NDUFAF8: variants seen among roughly 807,000 people sequenced by gnomAD.
NDUFAF8 encodes the protein NADH dehydrogenase [ubiquinone] 1 alpha subcomplex assembly factor 8.
In NDUFAF8, 9 loss-of-function variants were observed where a neutral mutation model predicts 9.9. That is an observed-to-expected ratio of 0.91 (90% CI 0.55 to 1.59). The LOEUF (loss-of-function observed/expected upper bound fraction) is 1.59. Ranked by LOEUF, NDUFAF8 falls within the 40% of genes most tolerant of loss-of-function variation. The pLI is 0.00. For synonymous variants in NDUFAF8, 63 were observed against 51.2 expected (o/e 1.23, Z -0.98); for missense variants, 114 against 113.8 (o/e 1.00, Z -0.01).
At chr17:81,239,738 C>G in intron 2 of NDUFAF8, 60 bp downstream of exon 2, 1 of 1,473,614 alleles carries the variant, frequency 6.8e-7, no homozygotes, top group Admixed American at 2.0e-5. Context: ...AGCCAGCGGG[C>G]CCCGGCTTTC....
At chr17:81,239,736 G>C (rs1243172845) in intron 2 of NDUFAF8, 58 bp downstream of exon 2, 4 of 1,486,682 alleles carry the variant, frequency 2.7e-6, no homozygotes, top group African/African-American at 1.4e-5. Flanking sequence ...AGAGCCAGCG[G>C]GCCCCGGCTT....
In NDUFAF8 at chr17:81,240,681, AGG is replaced by A. The variant is rs1555623920; in HGVS notation, c.196-298_196-297del. On this transcript the variant is annotated intron_variant, in intron 2 of 2. Transcript: ENST00000431388. ...GAGACTGCATCTCAAAAAAAAAAAA[AGG>A]GGGGGGGCTCCTGCTTTCCCTCTAT... Among the ~76,000 whole-genome samples, 9 of 139,850 alleles carry A rather than the reference AGG, an allele frequency of 6.4e-5. No homozygotes were observed. The East Asian group carries it at 7.0e-4, about 11-fold the overall frequency. 91.7% of individuals were successfully genotyped at this position (139,850 alleles called of 152,430 possible). A position where few individuals can be genotyped will look rare whatever the true frequency, so the allele number is the denominator to read the frequency against.
rs764409687 is a variant in NDUFAF8, at chr17:81,240,940, A to G, written c.196-47A>G. ...GTGTGGTAGCTTGCTTTTGAGGCGT[A>G]TCTAACTTGGAAGCAAGCCATTCAG... On this transcript the variant is annotated intron_variant, in intron 2 of 2. Coordinates refer to ENST00000431388, the MANE Select transcript of NDUFAF8 (RefSeq NM_001086521.2). 73 of 1,605,252 alleles carry G rather than the reference A, an allele frequency of 4.5e-5. No homozygotes were observed. In the East Asian group the frequency reaches 1.6e-3, roughly 36 times the overall value.
At chr17:81,239,915 T>C (rs189541996) in intron 2 of NDUFAF8, 18 of 586,980 alleles carry the variant, frequency 3.1e-5, no homozygotes, top group South Asian at 2.6e-4. Flanking sequence ...GGATGGGAGA[T>C]GTGTGCAAAA....
Position 81,241,110 on chromosome 17 carries a change from A to T in NDUFAF8, c.*94A>T, listed in dbSNP as rs754744716. On this transcript the variant is annotated 3_prime_UTR_variant, in exon 3 of 3. Transcript: ENST00000431388. ...GGCACATATCGAATGCCTAGGGCAG[A>T]AAGGAAGTGGGAATGGCGAAGATGT... The T allele has an allele frequency of 6.7e-7, 1 of 1,494,268 alleles. No individual in the cohort carries two copies. The highest frequency in any genetic ancestry group is 1.4e-5 in the African/African-American group (1 of 71,006). The allele number at this position is 1,494,268 out of a possible 1,614,324, so 92.6% of individuals were successfully genotyped here. A position where few individuals can be genotyped will look rare whatever the true frequency, so the allele number is the denominator to read the frequency against.
rs533215301 is a variant in NDUFAF8, at chr17:81,240,104, G to C, written c.195+426G>C. 44 of 229,524 alleles carry C rather than the reference G, an allele frequency of 1.9e-4. 1 individual carries two copies. The highest frequency in any genetic ancestry group is 1.3e-3 in the South Asian group (29 of 22,258). The allele number at this position is 229,524 out of a possible 1,614,324, so 14.2% of individuals were successfully genotyped here. On this transcript the variant is annotated intron_variant, in intron 2 of 2. Coordinates refer to ENST00000431388, the MANE Select transcript of NDUFAF8 (RefSeq NM_001086521.2). Reference sequence around the variant, plus strand: ...TGGATTCCTTCAGCACGTGTCCTGCGGGGAACCCCCAGCCACCCTCACAAC... The same window carrying C: ...TGGATTCCTTCAGCACGTGTCCTGCCGGGAACCCCCAGCCACCCTCACAAC...
intron 2 of NDUFAF8, 101 bp downstream of exon 2, chr17:81,239,779 C>A: frequency 8.0e-7 from 1 of 1,249,544 alleles, no homozygotes; most frequent in Non-Finnish European, 1.1e-6. Flanking sequence ...AAGGTTTGAG[C>A]GCCTGCCGCG....
intron 2 of NDUFAF8, among the ~76,000 whole-genome samples, chr17:81,240,732 A>G (rs2062810104): frequency 6.7e-6 from 1 of 149,724 alleles, no homozygotes; most frequent in South Asian, 2.1e-4. Context: ...CAAATGTGGC[A>G]TCTCGTGGGG....
chr17:81,239,420 C>T lies in NDUFAF8; in HGVS notation c.57C>T (p.Pro19=). The change falls in exon 1 of 3, where the codon CCC becomes CCT. Residue 19 remains proline, a synonymous_variant. Transcript: ENST00000431388. ...GRVRSRLRAF[P]ERLAACGAEA... ...TGCGAAGCCGCCTCCGCGCCTTCCC[C>T]GAGCGGCTGGCCGCCTGCGGGGCCG... 2 of 1,362,654 alleles carry T rather than the reference C, an allele frequency of 1.5e-6. No individual in the cohort carries two copies. The highest frequency in any genetic ancestry group is 1.9e-6 in the Non-Finnish European group (2 of 1,057,334). 84.4% of individuals were successfully genotyped at this position (1,362,654 alleles called of 1,614,324 possible).
At chr17:81,240,938 G>A (rs375816631) in intron 2 of NDUFAF8, 49 bp from the exon 3 acceptor site, 10 of 1,601,400 alleles carry the variant, frequency 6.2e-6, no homozygotes, top group East Asian at 4.5e-5. Context: ...CTTTTGAGGC[G>A]TATCTAACTT....
intron 1 of NDUFAF8, 35 bp from the exon 2 acceptor site, chr17:81,239,531 CAG>C (rs1483329275): frequency 2.0e-6 from 3 of 1,485,994 alleles, no homozygotes; most frequent in Non-Finnish European, 1.8e-6. Context: ...GTGACGGGGT[CAG>C]GGGACCCCAC....
rs1372681163 is a variant in NDUFAF8, at chr17:81,239,615, C to T, written c.132C>T (p.Gly44=). ...TGCAGGCCTCCACGGCCCCGGGCGG[C>T]CGCCTGAGTAAGGACTTCTGCGCGC... ...RCVQASTAPG[G]RLSKDFCARE... is the part of the protein sequence containing the mutation. The change falls in exon 2 of 3, where the codon GGC becomes GGT. Residue 44 remains glycine, a synonymous_variant. Coordinates refer to ENST00000431388, the MANE Select transcript of NDUFAF8 (RefSeq NM_001086521.2). 3.9e-6 allele frequency: 6 copies of T among 1,539,370 alleles called. No homozygotes were observed. Among genetic ancestry groups the T allele is most frequent in the Non-Finnish European group, 5.2e-6 (6 of 1,146,368 alleles).
chr17:81,239,881 C>CG (rs1297238581), intron 2 of NDUFAF8: 1 of 632,786 alleles, frequency 1.6e-6, no homozygotes, highest in Non-Finnish European at 2.7e-6. Flanking sequence ...GTTTGTAAAG[C>CG]GGGACTGGCA....
rs1364084851 is a variant in NDUFAF8 at position 81,239,647 on chromosome 17, T to C, written c.164T>C (p.Phe55Ser). The change falls in exon 2 of 3, where the codon TTC becomes TCC. Residue 55 changes from phenylalanine to serine, a missense_variant. Transcript: ENST00000431388. ...RLSKDFCARE[F>S]EALRSCFAAA... ...AGTAAGGACTTCTGCGCGCGGGAGT[T>C]CGAGGCCCTGCGGAGCTGCTTCGCC... 1.3e-6 allele frequency: 2 copies of C among 1,540,134 alleles called. No homozygotes were observed. The highest frequency in any genetic ancestry group is 2.7e-5 in the African/African-American group (2 of 72,990).
chr17:81,239,764 G>A, intron 2 of NDUFAF8, 86 bp downstream of exon 2: 1 of 1,377,678 alleles, frequency 7.3e-7, no homozygotes, highest in East Asian at 2.6e-5. Flanking sequence ...CTTTCCCGTT[G>A]GTTCAAGGTT....
intron 2 of NDUFAF8, among the ~76,000 whole-genome samples, 172 bp from the exon 3 acceptor site, chr17:81,240,815 G>C (rs1370471849): frequency 6.6e-6 from 1 of 152,206 alleles, no homozygotes. Flanking sequence ...AAGTGACCCA[G>C]AGAACCTGCC....
chr17:81,239,822 C>G, intron 2 of NDUFAF8, 144 bp downstream of exon 2: 1 of 928,390 alleles, frequency 1.1e-6, no homozygotes, highest in Non-Finnish European at 1.6e-6. Context: ...AATCACCGAG[C>G]CATCGACGAG....
At position 81,239,445 on chromosome 17, in the gene NDUFAF8, G is replaced by C. The variant is rs934850676; in HGVS notation, c.82G>C (p.Glu28Gln). The change falls in exon 1 of 3, where the codon GAG becomes CAG. Residue 28 changes from glutamate to glutamine, a missense_variant and splice_region_variant. Physicochemically the swap from Glu to Gln is conservative, Grantham distance 29 (BLOSUM62 2). Transcript: ENST00000431388. ...FPERLAACGA[E>Q]AAAYGRCVQA... ...CGAGCGGCTGGCCGCCTGCGGGGCC[G>C]AGGTGAGGAGCCGCGGGCGGGCCAG... The C allele has an allele frequency of 2.9e-6, 4 of 1,366,178 alleles. No individual in the cohort carries two copies. Among genetic ancestry groups the C allele is most frequent in the Admixed American group, 8.0e-5 (2 of 25,138 alleles). The allele number at this position is 1,366,178 out of a possible 1,614,324, so 84.6% of individuals were successfully genotyped here. A position where few individuals can be genotyped will look rare whatever the true frequency, so the allele number is the denominator to read the frequency against.
At chr17:81,240,513 A>T (rs1181661669) in intron 2 of NDUFAF8, 2 of 155,134 alleles carry the variant, frequency 1.3e-5, no homozygotes, top group African/African-American at 4.8e-5. Context: ...TCTACAAAAA[A>T]AAAGAAAAAA....
Sources: allele counts gnomAD v4.1 joint callset (sites outside exome capture counted in the v4.1 genomes callset), GRCh38; gene constraint gnomAD v4.1.1; transcripts MANE v1.5; gene names NCBI Gene and HGNC (gene_info 2026-07-23, HGNC 2026-07-21).